GRAMD1C: variants seen among roughly 807,000 people sequenced by gnomAD.
GRAMD1C encodes protein Aster-C.
GRAMD1C carries 89 observed loss-of-function variants against 97.8 expected under a neutral mutation model. That is an observed-to-expected ratio of 0.91 (90% confidence interval 0.77 to 1.09). The LOEUF (loss-of-function observed/expected upper bound fraction) is 1.09. Among genes scored for constraint, GRAMD1C ranks in the 50% least tolerant of loss-of-function variants. The pLI, the probability that GRAMD1C is intolerant of heterozygous loss-of-function variation, is 0.00. For synonymous variants in GRAMD1C, 256 were observed against 267.0 expected (o/e 0.96, Z 0.40); for missense variants, 740 against 766.4 (o/e 0.97, Z 0.41).
In GRAMD1C at chr3:113,861,221, C is replaced by G. The variant is rs533461914; in HGVS notation, c.175-8286C>G. On this transcript the variant is annotated intron_variant, in intron 2 of 17. Transcript: ENST00000358160. Reference sequence around the variant, plus strand: ...TTTATCATAGACTTACATGTAAGAGCTAAAACTAAAACTCTTAGAAGAAAA... The same window carrying G: ...TTTATCATAGACTTACATGTAAGAGGTAAAACTAAAACTCTTAGAAGAAAA... 7.2e-5 allele frequency among the ~76,000 whole-genome samples: 11 copies of G among 152,138 alleles called. No individual in the cohort carries two copies. In the East Asian group the frequency reaches 2.1e-3, roughly 29 times the overall value.
At position 113,876,784 on chromosome 3, in the gene GRAMD1C, T is replaced by C. The variant is rs1422970517; in HGVS notation, c.459+524T>C. On this transcript the variant is annotated intron_variant, in intron 5 of 17. Transcript: ENST00000358160. ...CTGGAAAATTGGTTAGGGCCCTGTG[T>C]GAGAGACATTAGAAGTGTAGTGATG... 5.4e-5 allele frequency among the ~76,000 whole-genome samples: 8 copies of C among 148,766 alleles called. No individual in the cohort carries two copies. The South Asian group carries it at 1.7e-3, about 31-fold the overall frequency.
At chr3:113,914,290 T>C (rs1474285596) in intron 9 of GRAMD1C, among the ~76,000 whole-genome samples, 1 of 152,214 alleles carries the variant, frequency 6.6e-6, no homozygotes, top group Non-Finnish European at 1.5e-5. Context: ...AGTTTTTGCC[T>C]ACGTAGAGTA....
chr3:113,879,233 C>G (rs1360496824), intron 5 of GRAMD1C, among the ~76,000 whole-genome samples: 1 of 151,562 alleles, frequency 6.6e-6, no homozygotes, highest in East Asian at 1.9e-4. Flanking sequence ...AACAAACAAA[C>G]CGACTCTCTT....
chr3:113,884,960 C>A (rs1019863060), intron 6 of GRAMD1C, among the ~76,000 whole-genome samples: 1 of 146,038 alleles, frequency 6.8e-6, no homozygotes, highest in Non-Finnish European at 1.5e-5. Context: ...CCCCGCTGCC[C>A]CCTCCCCCAA....
In GRAMD1C at chr3:113,933,634, A is replaced by G. The variant is rs1422701288; in HGVS notation, c.1333A>G (p.Lys445Glu). ...VNRYCIIRSS[K>E]QKCRLRVSTD... ...CAGATACTGTATCATCCGATCTTCA[A>G]AACAGAAATGCAGGCTAAGGTGAGC... The change falls in exon 12 of 18, where the codon AAA becomes GAA. Residue 445 changes from lysine to glutamate, a missense_variant. Transcript: ENST00000358160. 5.0e-6 allele frequency: 8 copies of G among 1,609,180 alleles called. No individual in the cohort carries two copies. The highest frequency in any genetic ancestry group is 1.3e-5 in the African/African-American group (1 of 74,862).
At chr3:113,909,222 C>G in intron 9 of GRAMD1C, 102 bp downstream of exon 9, 1 of 506,660 alleles carries the variant, frequency 2.0e-6, no homozygotes, top group South Asian at 4.3e-5. Context: ...TTATTAGACA[C>G]AGTCTCACCC....
chr3:113,885,131 C>T (rs2107406979), intron 6 of GRAMD1C, among the ~76,000 whole-genome samples: 1 of 152,122 alleles, frequency 6.6e-6, no homozygotes, highest in Non-Finnish European at 1.5e-5. Context: ...TGGGCTTTCC[C>T]CTCGCCAGGG....
chr3:113,905,213 G>A (rs1936327938), intron 8 of GRAMD1C, among the ~76,000 whole-genome samples: 1 of 152,178 alleles, frequency 6.6e-6, no homozygotes, highest in Admixed American at 6.5e-5. Flanking sequence ...CTCTGCCAAT[G>A]GGAGCCCCTT....
chr3:113,840,031 A>G (rs1348470800), intron 1 of GRAMD1C, among the ~76,000 whole-genome samples: 3 of 152,196 alleles, frequency 2.0e-5, no homozygotes, highest in Middle Eastern at 3.4e-3. Flanking sequence ...CAGTGGCGCA[A>G]TCTCGGCTCA....
At chr3:113,897,760 AT>A (rs1236748352) in intron 6 of GRAMD1C, 1 of 984,680 alleles carries the variant, frequency 1.0e-6, no homozygotes, top group East Asian at 1.1e-4. Flanking sequence ...GTTCATCTTT[AT>A]TTTGTTAAAC....
chr3:113,922,688 ATAGC>A, intron 10 of GRAMD1C, among the ~76,000 whole-genome samples: 1 of 152,214 alleles, frequency 6.6e-6, no homozygotes, highest in Non-Finnish European at 1.5e-5. Flanking sequence ...GTCTTATAGT[ATAGC>A]TTGAAATTGG....
chr3:113,857,805 A>AT (rs1309790176), intron 2 of GRAMD1C, among the ~76,000 whole-genome samples: 1 of 152,160 alleles, frequency 6.6e-6, no homozygotes, highest in Non-Finnish European at 1.5e-5. Flanking sequence ...ACATTGATTG[A>AT]TTTTTTAAAA....
rs149396356 is a variant in GRAMD1C at position 113,895,899 on chromosome 3, T to C, written c.541-5132T>C. 2.0e-3 allele frequency among the ~76,000 whole-genome samples: 309 copies of C among 152,306 alleles called. 1 individual carries two copies. The highest frequency in any genetic ancestry group is 3.8e-3 in the Non-Finnish European group (260 of 67,994). Reference sequence around the variant, plus strand: ...CATTACCAATGTCTTCTTATCTCTTTTTAACACCTGATCTGTCTTTGAGGT... The same window carrying C: ...CATTACCAATGTCTTCTTATCTCTTCTTAACACCTGATCTGTCTTTGAGGT... On this transcript the variant is annotated intron_variant, in intron 6 of 17. Coordinates refer to ENST00000358160, the MANE Select transcript of GRAMD1C (RefSeq NM_017577.5).
chr3:113,877,650 C>G (rs1456345695), intron 5 of GRAMD1C, among the ~76,000 whole-genome samples: 1 of 152,190 alleles, frequency 6.6e-6, no homozygotes, highest in African/African-American at 2.4e-5. Context: ...ACCACTACAT[C>G]CTATCAGATG....
chr3:113,906,547 G>T (rs989742752), intron 8 of GRAMD1C, among the ~76,000 whole-genome samples: 10 of 152,130 alleles, frequency 6.6e-5, no homozygotes, highest in South Asian at 2.1e-4. Context: ...CAGTGTGTTT[G>T]TGGTCTAACC....
At chr3:113,850,770 A>C (rs1300528021) in intron 2 of GRAMD1C, 1 of 943,410 alleles carries the variant, frequency 1.1e-6, no homozygotes, top group Non-Finnish European at 1.5e-6. Context: ...GCTGGAAAGG[A>C]TATACTTAAT....
chr3:113,904,782 G>T (rs1936303224), intron 8 of GRAMD1C, among the ~76,000 whole-genome samples: 1 of 152,068 alleles, frequency 6.6e-6, no homozygotes, highest in Non-Finnish European at 1.5e-5. Context: ...CAATTACTTA[G>T]TTTCTTCCTT....
At position 113,843,049 on chromosome 3, in the gene GRAMD1C, G is replaced by GTTTTTTTTTT. The variant is rs71144092; in HGVS notation, c.28-1437_28-1428dup. Among the ~76,000 whole-genome samples, 50 of 53,416 alleles carry GTTTTTTTTTT rather than the reference G, an allele frequency of 9.4e-4. 1 individual carries two copies. The highest frequency in any genetic ancestry group is 9.0e-4 in the African/African-American group (13 of 14,380). 35.0% of individuals were successfully genotyped at this position (53,416 alleles called of 152,430 possible). ...TAAGGATCCTGGTCCACCATAAGCT[G>GTTTTTTTTTT]TTTTTTTTTTTTTTTTTTTTTTTTT... is the stretch of plus-strand genomic sequence containing the variant. On this transcript the variant is annotated intron_variant, in intron 1 of 17. Coordinates refer to ENST00000358160, the MANE Select transcript of GRAMD1C (RefSeq NM_017577.5).
At chr3:113,929,312 G>C (rs1937331277) in intron 10 of GRAMD1C, among the ~76,000 whole-genome samples, 3 of 152,018 alleles carry the variant, frequency 2.0e-5, no homozygotes, top group Admixed American at 2.0e-4. Context: ...TTTACATTAT[G>C]ATAAGCTTTA....
Sources: allele counts gnomAD v4.1 joint callset (sites outside exome capture counted in the v4.1 genomes callset), GRCh38; gene constraint gnomAD v4.1.1; transcripts MANE v1.5; gene names NCBI Gene and HGNC (gene_info 2026-07-23, HGNC 2026-07-21).